Variants in SH3PXD2A observed in about 807,000 individuals in gnomAD.
SH3PXD2A encodes the protein SH3 and PX domains 2A, also known as SH3 and PX domain-containing protein 2A.
In SH3PXD2A, 32 loss-of-function variants were observed where a neutral mutation model predicts 115.2. That is an observed-to-expected ratio of 0.28 (90% CI 0.21 to 0.37). The LOEUF (loss-of-function observed/expected upper bound fraction) is 0.37. SH3PXD2A is among the 10% of genes least tolerant of loss of function. The pLI is 1.00. For synonymous variants in SH3PXD2A, 610 were observed against 629.1 expected (o/e 0.97, Z 0.45); for missense variants, 1,328 against 1,498.7 (o/e 0.89, Z 1.88).
intron 8 of SH3PXD2A, among the ~76,000 whole-genome samples, chr10:103,636,777 C>G (rs955897897): frequency 2.0e-5 from 3 of 152,142 alleles, no homozygotes; most frequent in African/African-American, 7.2e-5. Flanking sequence ...CCACTCCTTC[C>G]TCTCCCTCTG....
At chr10:103,628,114 G>A (rs980446336) in intron 8 of SH3PXD2A, among the ~76,000 whole-genome samples, 2 of 152,178 alleles carry the variant, frequency 1.3e-5, no homozygotes, top group Non-Finnish European at 2.9e-5. Flanking sequence ...GGAGGCTCTC[G>A]GGTGCCTCCA....
intron 2 of SH3PXD2A, among the ~76,000 whole-genome samples, chr10:103,795,957 A>AGGAAGG (rs1283941492): frequency 6.6e-6 from 1 of 151,572 alleles, no homozygotes; most frequent in Non-Finnish European, 1.5e-5. Context: ...GAAGGAAGGA[A>AGGAAGG]ACCAGAGACA....
intron 14 of SH3PXD2A, among the ~76,000 whole-genome samples, chr10:103,604,957 T>TG (rs1392105342): frequency 6.6e-6 from 1 of 152,240 alleles, no homozygotes; most frequent in African/African-American, 2.4e-5. Context: ...GACTGCCCAA[T>TG]GAGTCTGACA....
At chr10:103,685,207 C>T (rs182276521) in intron 6 of SH3PXD2A, among the ~76,000 whole-genome samples, 72 of 151,852 alleles carry the variant, frequency 4.7e-4, no homozygotes, top group African/African-American at 1.7e-3. Flanking sequence ...GGCATGGTGG[C>T]GGACGCCTAT....
intron 8 of SH3PXD2A, among the ~76,000 whole-genome samples, chr10:103,645,843 A>T (rs2037028172): frequency 1.3e-5 from 2 of 152,202 alleles, no homozygotes; most frequent in South Asian, 4.1e-4. Context: ...CTCCCAGAGG[A>T]CAGTGGGGAG....
At chr10:103,711,143 G>A (rs1473551501) in intron 5 of SH3PXD2A, among the ~76,000 whole-genome samples, 1 of 152,210 alleles carries the variant, frequency 6.6e-6, no homozygotes, top group African/African-American at 2.4e-5. Context: ...TCCCTTAACA[G>A]CTCTGCCACC....
At position 103,603,300 on chromosome 10, in the gene SH3PXD2A, C is replaced by T. The variant is rs376504935; in HGVS notation, c.1918G>A (p.Gly640Arg). ...GAGCTGCCTGGGGAGTCGCTGTCCC[C>T]GGAGGAGCCTCTGGCTGACAGGGTG... The part of the protein sequence containing the change: ...EDTLSARGSS[G>R]DSDSPGSSSL... The change falls in exon 15 of 15, where the codon GGG (glycine) becomes AGG (arginine). Residue 640 changes from glycine (G) to arginine (R), a missense_variant. This residue lies in a region of SH3PXD2A where 509 missense variants were observed against 628.3 expected (regional missense o/e 0.81). Coordinates refer to ENST00000369774, the MANE Select transcript of SH3PXD2A (RefSeq NM_001394015.1). The T allele has an allele frequency of 2.4e-5, 38 of 1,613,898 alleles. No individual in the cohort carries two copies. Among genetic ancestry groups the T allele is most frequent in the East Asian group, 1.3e-4 (6 of 44,876 alleles).
chr10:103,685,418 C>G (rs2134114759), intron 6 of SH3PXD2A, among the ~76,000 whole-genome samples: 1 of 150,480 alleles, frequency 6.6e-6, no homozygotes, highest in African/African-American at 2.4e-5. Flanking sequence ...CTTTCCTGGT[C>G]TATAAAATGG....
chr10:103,638,030 C>A (rs1465756488), intron 8 of SH3PXD2A, among the ~76,000 whole-genome samples: 1 of 152,246 alleles, frequency 6.6e-6, no homozygotes, highest in Non-Finnish European at 1.5e-5. Context: ...CCTGTCACTG[C>A]AGCTCTTGCC....
chr10:103,805,355 G>A (rs1243406394), intron 1 of SH3PXD2A, among the ~76,000 whole-genome samples: 1 of 152,184 alleles, frequency 6.6e-6, no homozygotes, highest in African/African-American at 2.4e-5. Flanking sequence ...CCTCCTTATT[G>A]GCTGCAAGAC....
At chr10:103,661,536 A>C in intron 7 of SH3PXD2A, 1 of 506,520 alleles carries the variant, frequency 2.0e-6, no homozygotes, top group Non-Finnish European at 2.5e-6. Flanking sequence ...GGCATCGGGG[A>C]GGGCGGCGAG....
chr10:103,647,301 C>T (rs927340267), intron 8 of SH3PXD2A, among the ~76,000 whole-genome samples: 6 of 152,172 alleles, frequency 3.9e-5, no homozygotes, highest in Admixed American at 1.3e-4. Context: ...GGTCAGAGTT[C>T]CTGCCCAACC....
At position 103,738,059 on chromosome 10, in the gene SH3PXD2A, G is replaced by C. The variant is rs1427980248; in HGVS notation, c.230-2251C>G. Among the ~76,000 whole-genome samples the C allele has an allele frequency of 3.3e-5, 5 of 152,256 alleles. No individual in the cohort carries two copies. In the East Asian group the frequency reaches 9.7e-4, roughly 29 times the overall value. On this transcript the variant is annotated intron_variant, in intron 3 of 14. Transcript: ENST00000369774. ...AATGAGTGCTTGCTGGGTCATTCTT[G>C]TTCCTCTCCTGGACTCTTGCTCAAG...
In SH3PXD2A at chr10:103,784,217, C is replaced by T. The variant is rs561444162; in HGVS notation, c.154-17048G>A. Among the ~76,000 whole-genome samples, 29 of 152,338 alleles carry T rather than the reference C, an allele frequency of 1.9e-4. No homozygotes were observed. The highest frequency in any genetic ancestry group is 3.4e-3 in the Middle Eastern group (1 of 294). ...ACCTGTGTGCAGGCCTGCCCTTTTC[C>T]AGGTCCCGCCCTCCCTGGACTTCAG... On this transcript the variant is annotated intron_variant, in intron 2 of 14. Coordinates refer to ENST00000369774, the MANE Select transcript of SH3PXD2A (RefSeq NM_001394015.1). The surrounding 1 kb of genome is among the most constrained non-coding windows in gnomAD (Gnocchi z 4.4).
At chr10:103,854,681 G>A (rs1430190062) in intron 1 of SH3PXD2A, among the ~76,000 whole-genome samples, 1 of 152,216 alleles carries the variant, frequency 6.6e-6, no homozygotes, top group Non-Finnish European at 1.5e-5. Context: ...CGCGGAGGGT[G>A]GAGGTTGGGC....
chr10:103,658,721 G>C (rs866508432), intron 8 of SH3PXD2A, among the ~76,000 whole-genome samples: 29 of 152,306 alleles, frequency 1.9e-4, no homozygotes, highest in Admixed American at 1.2e-3. Flanking sequence ...GAAACTCCCA[G>C]AAGTAGAAAA....
chr10:103,606,820 G>A (rs1356218351), intron 13 of SH3PXD2A, among the ~76,000 whole-genome samples: 11 of 152,232 alleles, frequency 7.2e-5, no homozygotes, highest in Non-Finnish European at 1.5e-4. Flanking sequence ...AGGCTGGAGT[G>A]CAGCGGCGTG....
chr10:103,627,294 C>A lies in SH3PXD2A; in HGVS notation c.605-92G>T. 1.3e-6 allele frequency: 1 copy of A among 750,206 alleles called. No individual in the cohort carries two copies. The highest frequency in any genetic ancestry group is 2.0e-5 in the Admixed American group (1 of 50,398). The allele number at this position is 750,206 out of a possible 1,614,324, so 46.5% of individuals were successfully genotyped here. A position where few individuals can be genotyped will look rare whatever the true frequency, so the allele number is the denominator to read the frequency against. ...CAGGACAAGGATGGAAGGAGAGGCA[C>A]AAGAAGCGGAGCATGGAGCCAGATG... On this transcript the variant is annotated intron_variant, in intron 8 of 14. Transcript: ENST00000369774. The surrounding 1 kb of genome is among the most constrained non-coding windows in gnomAD (Gnocchi z 4.4).
intron 1 of SH3PXD2A, among the ~76,000 whole-genome samples, chr10:103,821,867 CTGT>C (rs759208685): frequency 1.3e-5 from 2 of 151,210 alleles, no homozygotes; most frequent in South Asian, 4.2e-4. Context: ...CCACCTGGCC[CTGT>C]TGTTATTATT....
Sources: gnomAD v4.1 joint callset for allele counts (sites outside exome capture counted in the v4.1 genomes callset) on GRCh38, gnomAD v4.1.1 for gene constraint, gnomAD v4.1.1 regional missense constraint, Gnocchi (gnomAD v3.1) non-coding constraint, MANE v1.5 for transcripts, NCBI Gene and HGNC (gene_info 2026-07-23, HGNC 2026-07-21) for gene names.